Variants in AHNAK observed in about 807,000 individuals in gnomAD.
AHNAK encodes the protein neuroblast differentiation-associated protein AHNAK.
Under a neutral mutation model 37.8 loss-of-function variants are expected in AHNAK, and 23 were observed. The observed-to-expected ratio is 0.61, with a 90% confidence interval of 0.44 to 0.86. The LOEUF is 0.86. Ranked by LOEUF, AHNAK falls within the 40% of genes least tolerant of loss-of-function variation. The pLI is 0.00. For missense variants in AHNAK, 7,411 were observed against 7,319.4 expected (o/e 1.01, Z -0.46); for synonymous variants, 2,481 against 2,636.3 (o/e 0.94, Z 1.80).
chr11:62,443,289 T>TTTTTTTTTTG (rs1938351317), intron 5 of AHNAK, among the ~76,000 whole-genome samples: 3 of 145,320 alleles, frequency 2.1e-5, no homozygotes, highest in East Asian at 2.1e-4. Flanking sequence ...TTTTTTTTTT[T>TTTTTTTTTTG]GAGACAGAGT....
chr11:62,464,252 C>T (rs1462549426), intron 5 of AHNAK, among the ~76,000 whole-genome samples: 1 of 150,806 alleles, frequency 6.6e-6, no homozygotes, highest in Non-Finnish European at 1.5e-5. Context: ...GAGACAGACT[C>T]TTACTATGTT....
At chr11:62,456,962 A>G (rs544261799) in intron 5 of AHNAK, among the ~76,000 whole-genome samples, 2 of 152,218 alleles carry the variant, frequency 1.3e-5, no homozygotes, top group South Asian at 4.1e-4. Context: ...TCATCTCAGT[A>G]ATGAAGTGCC....
intron 5 of AHNAK, among the ~76,000 whole-genome samples, chr11:62,482,655 A>T (rs1204514581): frequency 6.6e-6 from 1 of 152,140 alleles, no homozygotes; most frequent in East Asian, 1.9e-4. Context: ...AGCACCTCAG[A>T]GGGTGAGTGC....
At position 62,451,273 on chromosome 11, in the gene AHNAK, A is replaced by G. The variant is rs541465011; in HGVS notation, c.443-17382T>C. ...ACCAGAGCAAAATGTCGGGTCAGAGAAAGGCCCTCCTCCAGCCCCGCTTCC... is the reference window on the plus strand; with the variant it reads ...ACCAGAGCAAAATGTCGGGTCAGAGGAAGGCCCTCCTCCAGCCCCGCTTCC... On this transcript the variant is annotated intron_variant, in intron 5 of 5. Transcript: ENST00000257247. Among the ~76,000 whole-genome samples the G allele has an allele frequency of 3.2e-4, 49 of 150,930 alleles. No individual in the cohort carries two copies. In the South Asian group the frequency reaches 1.0e-2, roughly 31 times the overall value.
intron 5 of AHNAK, among the ~76,000 whole-genome samples, chr11:62,448,880 T>C (rs1217860926): frequency 6.6e-6 from 1 of 152,048 alleles, no homozygotes; most frequent in Non-Finnish European, 1.5e-5. Context: ...CCATCCTGGC[T>C]AACACAGTGA....
chr11:62,446,585 T>C (rs974411965), intron 5 of AHNAK, among the ~76,000 whole-genome samples: 2 of 152,102 alleles, frequency 1.3e-5, no homozygotes, highest in African/African-American at 2.4e-5. Context: ...AGGTCATGGA[T>C]TCAATCTCTA....
At position 62,531,242 on chromosome 11, in the gene AHNAK, C is replaced by G. The variant is rs1207699482; in HGVS notation, c.3175G>C (p.Glu1059Gln). The change falls in exon 5 of 5, where the codon GAG becomes CAG. Residue 1059 changes from glutamate to glutamine, a missense_variant. Transcript: ENST00000378024. Reference sequence around the variant, plus strand: ...ATCTTAGGAGCTCTGAAGTGCATCTCAGGCATCTTAAACTTCGGGCCTTTC... The same window carrying G: ...ATCTTAGGAGCTCTGAAGTGCATCTGAGGCATCTTAAACTTCGGGCCTTTC... ...KLKGPKFKMPEMHFRAPKMSL... is the reference protein window; with the variant it reads ...KLKGPKFKMPQMHFRAPKMSL... 6.2e-7 allele frequency: 1 copy of G among 1,614,054 alleles called. No individual in the cohort carries two copies. Among genetic ancestry groups the G allele is most frequent in the South Asian group, 1.1e-5 (1 of 91,030 alleles).
rs1238773573 is a variant in AHNAK at position 62,525,361 on chromosome 11, T to C, written c.9056A>G (p.His3019Arg). 3.7e-6 allele frequency: 6 copies of C among 1,613,058 alleles called. No homozygotes were observed. The highest frequency in any genetic ancestry group is 5.1e-6 in the Non-Finnish European group (6 of 1,179,776). ...CATTTTCACTTTGGGCATTTTTAGG[T>C]GCCAGTCTGGGCCTTGAACGCCCAC... ...PDVGVQGPDWHLKMPKVKMPK... is the reference protein window; with the variant it reads ...PDVGVQGPDWRLKMPKVKMPK... Residue 3019 changes from histidine to arginine, a missense_variant, in exon 5 of 5, where the codon CAC becomes CGC. Physicochemically the swap from His to Arg is conservative, Grantham distance 29. Coordinates refer to ENST00000378024, the MANE Select transcript of AHNAK (RefSeq NM_001620.3).
chr11:62,517,463 C>T lies in AHNAK; in HGVS notation c.16954G>A (p.Gly5652Arg), dbSNP rs1160374874. The change falls in exon 5 of 5, where the codon GGA becomes AGA. Residue 5652 changes from glycine (G) to arginine (R), a missense_variant. Coordinates refer to ENST00000378024, the MANE Select transcript of AHNAK (RefSeq NM_001620.3). ...VSGPQGHLES[G>R]SGKVTFPKMK... ...TTAGGGAATGTTACTTTTCCAGATC[C>T]ACTTTCCAAGTGACCTTGAGGCCCA... 2 of 1,614,016 alleles carry T rather than the reference C, an allele frequency of 1.2e-6. No homozygotes were observed. The highest frequency in any genetic ancestry group is 1.3e-5 in the African/African-American group (1 of 74,878).
chr11:62,533,902 T>C lies in AHNAK; in HGVS notation c.515A>G (p.Asp172Gly). ...GAATTCAGGGCTACTGATGTCTATG[T>C]CCTTGGCTCCTTCCCGGCCAGTCAC... ...VDVTGREGAKDIDISSPEFKI... is the reference protein window; with the variant it reads ...VDVTGREGAKGIDISSPEFKI... Residue 172 changes from aspartate (D) to glycine (G), a missense_variant, in exon 5 of 5, where the codon GAC (aspartate) becomes GGC (glycine). By Grantham distance (94) the Asp-to-Gly change is moderately conservative. Transcript: ENST00000378024. 3.7e-6 allele frequency: 6 copies of C among 1,614,222 alleles called. No individual in the cohort carries two copies. The highest frequency in any genetic ancestry group is 5.1e-6 in the Non-Finnish European group (6 of 1,180,040).
chr11:62,527,656 G>A lies in AHNAK; in HGVS notation c.6761C>T (p.Pro2254Leu), dbSNP rs746251925. The A allele has an allele frequency of 4.3e-6, 7 of 1,613,894 alleles. No individual in the cohort carries two copies. In the South Asian group the frequency reaches 5.5e-5, roughly 13 times the overall value. The change falls in exon 5 of 5, where the codon CCT (proline) becomes CTT (leucine). Residue 2254 changes from proline (P) to leucine (L), a missense_variant. By Grantham distance (98) the Pro-to-Leu change is moderately conservative (BLOSUM62 -3). Coordinates refer to ENST00000378024, the MANE Select transcript of AHNAK (RefSeq NM_001620.3). ...TTCTGGGCCCTCTCCTTTGAAGCCA[G>A]GCATGCTGAACTTGGGCATTTTCAT... is the stretch of plus-strand genomic sequence containing the variant. ...PKMKMPKFSM[P>L]GFKGEGPEVD...
At chr11:62,486,398 A>G (rs969682139) in intron 5 of AHNAK, among the ~76,000 whole-genome samples, 3 of 152,070 alleles carry the variant, frequency 2.0e-5, no homozygotes, top group South Asian at 2.1e-4. Flanking sequence ...GCTTGAACCC[A>G]GGAGGCGGAC....
At chr11:62,471,488 G>T (rs1055151750) in intron 5 of AHNAK, among the ~76,000 whole-genome samples, 4 of 152,170 alleles carry the variant, frequency 2.6e-5, no homozygotes, top group African/African-American at 9.7e-5. Context: ...TTTATACAAT[G>T]TTTTAAATAA....
Position 62,520,491 on chromosome 11 carries a change from G to T in AHNAK, c.13926C>A (p.Asp4642Glu), listed in dbSNP as rs144102956. ...TTAGGTGCCAGTCTGGGCCTTGAACGTCCACATCTGGGACATCAATGTCCA... is the reference window on the plus strand; with the variant it reads ...TTAGGTGCCAGTCTGGGCCTTGAACTTCCACATCTGGGACATCAATGTCCA... ...PKVDIDVPDV[D>E]VQGPDWHLKM... Residue 4642 changes from aspartate (D) to glutamate (E), a missense_variant, in exon 5 of 5, where the codon GAC (aspartate) becomes GAA (glutamate). Coordinates refer to ENST00000378024, the MANE Select transcript of AHNAK (RefSeq NM_001620.3). The T allele has an allele frequency of 3.9e-4, 633 of 1,613,634 alleles. 1 individual carries two copies. Among genetic ancestry groups the T allele is most frequent in the Non-Finnish European group, 5.2e-4 (609 of 1,179,960 alleles).
chr11:62,465,859 A>G (rs1457322372), intron 5 of AHNAK, among the ~76,000 whole-genome samples: 1 of 152,168 alleles, frequency 6.6e-6, no homozygotes, highest in Non-Finnish European at 1.5e-5. Context: ...ATTCTTCCCT[A>G]GAACCTTTCA....
At chr11:62,433,971 T>C (rs1394379326) in intron 5 of AHNAK, 1 of 1,573,990 alleles carries the variant, frequency 6.4e-7, no homozygotes, top group Non-Finnish European at 8.7e-7. Flanking sequence ...GTTCGTTAAC[T>C]TTGCACCAAC....
chr11:62,444,532 C>G (rs968078192), intron 5 of AHNAK, among the ~76,000 whole-genome samples: 1 of 152,258 alleles, frequency 6.6e-6, no homozygotes, highest in African/African-American at 2.4e-5. Context: ...CCCCGCCCGG[C>G]AGCTGCTCGC....
At chr11:62,534,980 A>T in intron 4 of AHNAK, 23 bp downstream of exon 4, 2 of 1,592,372 alleles carry the variant, frequency 1.3e-6, no homozygotes, top group African/African-American at 1.3e-5. Flanking sequence ...CTCAGGGCAC[A>T]GATGGGCCGG....
At chr11:62,545,594 GCGAGACCTCGC>G (rs1246622966) in intron 1 of AHNAK, 2 of 152,636 alleles carry the variant, frequency 1.3e-5, no homozygotes, top group African/African-American at 4.8e-5. Context: ...CCAACTCTAG[GCGAGACCTCGC>G]TTCGGGCCCC....
Sources: allele counts gnomAD v4.1 joint callset (sites outside exome capture counted in the v4.1 genomes callset), GRCh38; gene constraint gnomAD v4.1.1; transcripts MANE v1.5; gene names NCBI Gene and HGNC (gene_info 2026-07-23, HGNC 2026-07-21).